Variants in CERT1 observed in about 807,000 individuals in gnomAD.
The protein encoded by CERT1 is ceramide transporter 1, also known as ceramide transfer protein.
CERT1 carries 31 observed loss-of-function variants against 87.9 expected under a neutral mutation model. The observed-to-expected ratio is 0.35, with a 90% CI of 0.27 to 0.48. CERT1 has a LOEUF of 0.48. Ranked by LOEUF, CERT1 falls within the 20% of genes least tolerant of loss-of-function variation. The pLI is 0.99. For synonymous variants in CERT1, 289 were observed against 250.9 expected (o/e 1.15, Z -1.44); for missense variants, 487 against 758.0 (o/e 0.64, Z 4.20).
intron 3 of CERT1, among the ~76,000 whole-genome samples, chr5:75,434,585 T>G (rs879434859): frequency 6.6e-6 from 1 of 152,014 alleles, no homozygotes; most frequent in Non-Finnish European, 1.5e-5. Context: ...TCTTTATACA[T>G]CTGGTAGAAT....
intron 11 of CERT1, among the ~76,000 whole-genome samples, chr5:75,395,627 C>T (rs979437997): frequency 5.9e-4 from 89 of 150,840 alleles, no homozygotes; most frequent in African/African-American, 2.0e-3. Flanking sequence ...TTTGGGAGGC[C>T]GAGACGGGCA....
chr5:75,406,096 A>G (rs1580725901), intron 8 of CERT1, among the ~76,000 whole-genome samples: 1 of 152,332 alleles, frequency 6.6e-6, no homozygotes, highest in Non-Finnish European at 1.5e-5. Context: ...TGAACTGCAA[A>G]TGTGAAAATG....
At chr5:75,501,325 T>C (rs993385768) in intron 2 of CERT1, among the ~76,000 whole-genome samples, 2 of 152,182 alleles carry the variant, frequency 1.3e-5, no homozygotes, top group Admixed American at 6.5e-5. Context: ...TCAGTTTTCC[T>C]TCCAAAAATA....
rs376525777 is a variant in CERT1 at position 75,448,336 on chromosome 5, C to A, written c.348+10729G>T. On this transcript the variant is annotated intron_variant, in intron 3 of 16. Coordinates refer to ENST00000643780, the MANE Select transcript of CERT1 (RefSeq NM_001379029.1). ...ATTTGCCTATGAAGTACATGGACTT[C>A]CTGTGTGACTGAAAAATGATAGAAC... is the stretch of plus-strand genomic sequence containing the variant. Among the ~76,000 whole-genome samples the A allele has an allele frequency of 1.4e-4, 22 of 152,258 alleles. No individual in the cohort carries two copies. In the East Asian group the frequency reaches 2.5e-3, roughly 17 times the overall value.
intron 3 of CERT1, among the ~76,000 whole-genome samples, chr5:75,454,283 C>T (rs879470661): frequency 8.5e-5 from 13 of 152,226 alleles, no homozygotes; most frequent in Admixed American, 7.9e-4. Flanking sequence ...TTAGTTGGTG[C>T]TAATGCAGTT....
At position 75,483,235 on chromosome 5, in the gene CERT1, T is replaced by G. The variant is rs185487618; in HGVS notation, c.231+22747A>C. 3.9e-3 allele frequency among the ~76,000 whole-genome samples: 590 copies of G among 152,192 alleles called. 2 individuals are homozygous for G. The highest frequency in any genetic ancestry group is 6.0e-3 in the Non-Finnish European group (409 of 67,990). Reference sequence around the variant, plus strand: ...AAATTCTAGAGCTGAAAAATCCAATTGATAAAATGAAATATACATCAGTGT... The same window carrying G: ...AAATTCTAGAGCTGAAAAATCCAATGGATAAAATGAAATATACATCAGTGT... On this transcript the variant is annotated intron_variant, in intron 2 of 16. Coordinates refer to ENST00000643780, the MANE Select transcript of CERT1 (RefSeq NM_001379029.1).
At chr5:75,426,295 C>CA in intron 4 of CERT1, 76 bp downstream of exon 4, 1 of 1,015,798 alleles carries the variant, frequency 9.8e-7, no homozygotes, top group Non-Finnish European at 1.5e-6. Context: ...AAAATTATCA[C>CA]ATATGTTCTG....
intron 2 of CERT1, among the ~76,000 whole-genome samples, chr5:75,482,535 T>C (rs1210549406): frequency 6.6e-6 from 1 of 152,132 alleles, no homozygotes; most frequent in Non-Finnish European, 1.5e-5. Context: ...CTTGAGTAAA[T>C]ACCAGCAGTA....
chr5:75,403,210 T>C (rs1762568782), intron 8 of CERT1, 152 bp from the exon 9 acceptor site: 1 of 607,440 alleles, frequency 1.6e-6, no homozygotes, highest in Non-Finnish European at 3.0e-6. Context: ...ATCATATGCA[T>C]GCTCTGTGTA....
intron 3 of CERT1, among the ~76,000 whole-genome samples, chr5:75,431,871 G>A (rs1763881124): frequency 6.6e-6 from 1 of 152,054 alleles, no homozygotes; most frequent in Non-Finnish European, 1.5e-5. Flanking sequence ...ATGTTGTGAT[G>A]AACATACACA....
chr5:75,484,163 T>C (rs910556755), intron 2 of CERT1, among the ~76,000 whole-genome samples: 2 of 152,074 alleles, frequency 1.3e-5, no homozygotes, highest in African/African-American at 2.4e-5. Flanking sequence ...TAAGTTATCA[T>C]GAGTCTAAAA....
Position 75,379,206 on chromosome 5 carries a change from A to G in CERT1, c.*140T>C. On this transcript the variant is annotated 3_prime_UTR_variant, in exon 17 of 17. Transcript: ENST00000643780. Reference sequence around the variant, plus strand: ...AAAACAACAACAACGACAACAACAAAAACCAACGAAACAATACTCTATAGG... The same window carrying G: ...AAAACAACAACAACGACAACAACAAGAACCAACGAAACAATACTCTATAGG... 1 of 788,124 alleles carries G rather than the reference A, an allele frequency of 1.3e-6. No individual in the cohort carries two copies. The highest frequency in any genetic ancestry group is 2.0e-6 in the Non-Finnish European group (1 of 497,882). 48.8% of individuals were successfully genotyped at this position (788,124 alleles called of 1,614,324 possible). A position where few individuals can be genotyped will look rare whatever the true frequency, so the allele number is the denominator to read the frequency against.
intron 3 of CERT1, among the ~76,000 whole-genome samples, chr5:75,444,205 G>A (rs571306510): frequency 3.8e-4 from 58 of 152,154 alleles, no homozygotes; most frequent in Non-Finnish European, 7.5e-4. Flanking sequence ...ACAGGCACCC[G>A]CCACTGCGCT....
Position 75,379,201 on chromosome 5 carries a change from A to G in CERT1, c.*145T>C. ...TGTTTAAAACAACAACAACGACAAC[A>G]ACAAAAACCAACGAAACAATACTCT... is the stretch of plus-strand genomic sequence containing the variant. On this transcript the variant is annotated 3_prime_UTR_variant, in exon 17 of 17. Coordinates refer to ENST00000643780, the MANE Select transcript of CERT1 (RefSeq NM_001379029.1). 1 of 753,866 alleles carries G rather than the reference A, an allele frequency of 1.3e-6. No individual in the cohort carries two copies. The highest frequency in any genetic ancestry group is 2.1e-6 in the Non-Finnish European group (1 of 468,946). The allele number at this position is 753,866 out of a possible 1,614,324, so 46.7% of individuals were successfully genotyped here. A position where few individuals can be genotyped will look rare whatever the true frequency, so the allele number is the denominator to read the frequency against.
chr5:75,448,073 G>C (rs187231040), intron 3 of CERT1, among the ~76,000 whole-genome samples: 10 of 152,128 alleles, frequency 6.6e-5, no homozygotes, highest in Admixed American at 6.5e-4. Flanking sequence ...CTAACTGTAT[G>C]AGTATTTTAG....
intron 2 of CERT1, among the ~76,000 whole-genome samples, chr5:75,494,459 T>C (rs896132408): frequency 2.1e-4 from 32 of 152,152 alleles, no homozygotes; most frequent in African/African-American, 7.7e-4. Context: ...GTATTCAGTG[T>C]GATACTTTGA....
chr5:75,373,066 A>G (rs767351795), downstream of CERT1: 4 of 152,266 alleles, frequency 2.6e-5, no homozygotes, highest in Non-Finnish European at 5.9e-5. Context: ...TTACAGCAAC[A>G]AAGAAAAGCA....
At chr5:75,380,921 T>C (rs1457377800) in intron 16 of CERT1, 151 bp downstream of exon 16, 2 of 768,222 alleles carry the variant, frequency 2.6e-6, no homozygotes, top group East Asian at 2.6e-5. Context: ...CTTTCAAAGA[T>C]TCTCTAGTAA....
At chr5:75,499,990 G>A (rs528541360) in intron 2 of CERT1, among the ~76,000 whole-genome samples, 136 of 152,308 alleles carry the variant, frequency 8.9e-4, no homozygotes, top group Middle Eastern at 3.4e-3. Flanking sequence ...AGTGGAGTAG[G>A]TTGGACCCCT....
Sources: allele counts gnomAD v4.1 joint callset (sites outside exome capture counted in the v4.1 genomes callset), GRCh38; gene constraint gnomAD v4.1.1; transcripts MANE v1.5; gene names NCBI Gene and HGNC (gene_info 2026-07-23, HGNC 2026-07-21).